TMEM178B: variants seen among roughly 807,000 people sequenced by gnomAD.
TMEM178B encodes transmembrane protein 178B.
A neutral mutation model predicts 31.0 loss-of-function variants in TMEM178B; 5 were observed. That is an observed-to-expected ratio of 0.16 (90% CI 0.08 to 0.34). The LOEUF (loss-of-function observed/expected upper bound fraction) is 0.34, where lower values mean the gene tolerates loss of function less well. Ranked by LOEUF, TMEM178B falls within the 10% of genes least tolerant of loss-of-function variation. The probability of loss-of-function intolerance (pLI) is 1.00; values close to 1 mark genes in which losing one functional copy is unlikely to be tolerated. For synonymous variants in TMEM178B, 164 were observed against 164.0 expected (o/e 1.00, Z 0.00); for missense variants, 275 against 400.3 (o/e 0.69, Z 2.67).
At chr7:141,360,604 C>T (rs1294144442) in intron 2 of TMEM178B, among the ~76,000 whole-genome samples, 2 of 152,194 alleles carry the variant, frequency 1.3e-5, no homozygotes, top group Non-Finnish European at 2.9e-5. Context: ...AGAATGCTGA[C>T]CCAGCAGCCT....
chr7:141,240,722 T>G (rs1797603175), intron 2 of TMEM178B, among the ~76,000 whole-genome samples: 1 of 152,256 alleles, frequency 6.6e-6, no homozygotes, highest in South Asian at 2.1e-4. Context: ...AACACACAGC[T>G]GTGTGCACTG....
chr7:141,309,798 T>C (rs1468638396), intron 2 of TMEM178B, among the ~76,000 whole-genome samples: 1 of 152,198 alleles, frequency 6.6e-6, no homozygotes, highest in African/African-American at 2.4e-5. Flanking sequence ...GCCTTTAGGA[T>C]TGGGTTAGAG....
At chr7:141,398,321 T>C (rs761270432) in intron 2 of TMEM178B, among the ~76,000 whole-genome samples, 32 of 152,182 alleles carry the variant, frequency 2.1e-4, no homozygotes, top group Non-Finnish European at 3.8e-4. Flanking sequence ...TGAAACACCT[T>C]GGACATCTGG....
chr7:141,399,011 A>G (rs1019143840), intron 2 of TMEM178B, among the ~76,000 whole-genome samples: 1 of 152,232 alleles, frequency 6.6e-6, no homozygotes, highest in African/African-American at 2.4e-5. Context: ...ATCAAGCGGT[A>G]ATCAGTGTGC....
the TMEM178B span, among the ~76,000 whole-genome samples, chr7:141,500,670 AT>A: frequency 6.6e-6 from 1 of 151,942 alleles, no homozygotes; most frequent in Admixed American, 6.6e-5. Flanking sequence ...ATTTTGCATG[AT>A]TTTCTGCTAG....
chr7:141,207,405 T>A (rs547580981), intron 1 of TMEM178B, among the ~76,000 whole-genome samples: 6 of 152,190 alleles, frequency 3.9e-5, no homozygotes, highest in Non-Finnish European at 8.8e-5. Context: ...TTCCCACCAA[T>A]AGCATGCAAG....
At chr7:141,398,422 C>A (rs1296172765) in intron 2 of TMEM178B, among the ~76,000 whole-genome samples, 1 of 152,106 alleles carries the variant, frequency 6.6e-6, no homozygotes, top group Admixed American at 6.5e-5. Context: ...CTGGGGAATA[C>A]CCAGAGAAAC....
At chr7:141,353,501 C>A (rs1799769481) in intron 2 of TMEM178B, among the ~76,000 whole-genome samples, 1 of 152,192 alleles carries the variant, frequency 6.6e-6, no homozygotes, top group Non-Finnish European at 1.5e-5. Context: ...TGACAAGAGC[C>A]ACTCTTCTCC....
At chr7:141,337,142 AT>A (rs1472382817) in intron 2 of TMEM178B, among the ~76,000 whole-genome samples, 22 of 29,304 alleles carry the variant, frequency 7.5e-4, no homozygotes, top group Non-Finnish European at 9.8e-4. Context: ...CACCACCACC[AT>A]CATCACCACC....
intron 2 of TMEM178B, among the ~76,000 whole-genome samples, chr7:141,433,626 T>A (rs1208180947): frequency 2.0e-5 from 3 of 152,260 alleles, no homozygotes; most frequent in Non-Finnish European, 4.4e-5. Context: ...TTGCATTATT[T>A]TCTCATGTAA....
At chr7:141,340,672 C>A (rs986808735) in intron 2 of TMEM178B, among the ~76,000 whole-genome samples, 3 of 152,062 alleles carry the variant, frequency 2.0e-5, no homozygotes, top group African/African-American at 4.8e-5. Flanking sequence ...ACATCAGGAG[C>A]AGTGCAACAG....
intron 1 of TMEM178B, among the ~76,000 whole-genome samples, chr7:141,138,199 C>G (rs184860096): frequency 2.6e-5 from 4 of 151,940 alleles, no homozygotes; most frequent in African/African-American, 7.2e-5. Context: ...ATAGCTGGGA[C>G]TACAGGCACC....
chr7:141,438,083 T>C (rs554836465), intron 3 of TMEM178B, among the ~76,000 whole-genome samples: 3 of 152,250 alleles, frequency 2.0e-5, no homozygotes, highest in African/African-American at 7.2e-5. Context: ...CAGGAAGTAC[T>C]TGGGCATTTC....
At chr7:141,427,164 C>T (rs758544310) in intron 2 of TMEM178B, among the ~76,000 whole-genome samples, 4 of 152,094 alleles carry the variant, frequency 2.6e-5, no homozygotes, top group Non-Finnish European at 4.4e-5. Flanking sequence ...TCAGTGCAAT[C>T]CCCTATCAAA....
chr7:141,332,565 C>T (rs909390932), intron 2 of TMEM178B, among the ~76,000 whole-genome samples: 3 of 152,264 alleles, frequency 2.0e-5, no homozygotes, highest in Non-Finnish European at 4.4e-5. Context: ...GTGAATGTCA[C>T]GGGAATGTCT....
At chr7:141,242,307 T>G (rs927094884) in intron 2 of TMEM178B, among the ~76,000 whole-genome samples, 2 of 152,120 alleles carry the variant, frequency 1.3e-5, no homozygotes, top group African/African-American at 4.8e-5. Context: ...AGTCGAAATT[T>G]ACTTTCTCAA....
chr7:141,370,887 C>T (rs1231378175), intron 2 of TMEM178B, among the ~76,000 whole-genome samples: 1 of 152,192 alleles, frequency 6.6e-6, no homozygotes, highest in Non-Finnish European at 1.5e-5. Flanking sequence ...CTCAGAAGCC[C>T]GATGTTGTCT....
At chr7:141,455,586 G>A (rs1434917651) in intron 3 of TMEM178B, among the ~76,000 whole-genome samples, 10 of 152,174 alleles carry the variant, frequency 6.6e-5, no homozygotes, top group Non-Finnish European at 1.5e-4. Context: ...GTGGCCTCAG[G>A]CAAATTATTT....
chr7:141,174,417 A>G (rs1796394056), intron 1 of TMEM178B, among the ~76,000 whole-genome samples: 2 of 152,176 alleles, frequency 1.3e-5, no homozygotes, highest in Admixed American at 1.3e-4. Flanking sequence ...TGCCGCAATA[A>G]ACATAAGTGC....
Sources: gnomAD v4.1 joint callset for allele counts (sites outside exome capture counted in the v4.1 genomes callset) on GRCh38, gnomAD v4.1.1 for gene constraint, MANE v1.5 for transcripts, NCBI Gene and HGNC (gene_info 2026-07-23, HGNC 2026-07-21) for gene names.